Variants in PTPRE observed in about 807,000 individuals in gnomAD.
PTPRE encodes receptor-type tyrosine-protein phosphatase epsilon.
In PTPRE, 51 loss-of-function variants were observed where a neutral mutation model predicts 102.0. The ratio of observed to expected loss-of-function variants is 0.50; its 90% CI spans 0.40 to 0.63. The LOEUF is 0.63. PTPRE is among the 30% of genes least tolerant of loss of function. The pLI, the probability that PTPRE is intolerant of heterozygous loss-of-function variation, is 0.00. For missense variants in PTPRE, 752 were observed against 915.1 expected (o/e 0.82, Z 2.30); for synonymous variants, 345 against 348.2 (o/e 0.99, Z 0.10).
intron 7 of PTPRE, among the ~76,000 whole-genome samples, chr10:128,058,563 G>A: frequency 6.6e-6 from 1 of 152,224 alleles, no homozygotes; most frequent in Admixed American, 6.5e-5. Flanking sequence ...GAGACGCTGT[G>A]GCCTGGCAAG....
chr10:128,034,558 A>G (rs1388734285), intron 2 of PTPRE, among the ~76,000 whole-genome samples: 8 of 152,076 alleles, frequency 5.3e-5, no homozygotes, highest in Non-Finnish European at 1.2e-4. Context: ...TTTGCCAGTC[A>G]TGGTGGTGCA....
rs1296755174 is a variant in PTPRE at position 128,072,270 on chromosome 10, C to T, written c.1464+56C>T. ...CAGATGTGTTTCCTTCACATGTGAC[C>T]ACAGACTTGATTAGCTTGTTTTCAC... On this transcript the variant is annotated intron_variant, in intron 16 of 20. Coordinates refer to ENST00000254667, the MANE Select transcript of PTPRE (RefSeq NM_006504.6). 8.5e-6 allele frequency: 12 copies of T among 1,407,288 alleles called. No individual in the cohort carries two copies. In the Admixed American group the frequency reaches 2.1e-4, roughly 25 times the overall value. The allele number at this position is 1,407,288 out of a possible 1,614,324, so 87.2% of individuals were successfully genotyped here.
chr10:127,971,224 A>T (rs949965133), intron 1 of PTPRE, among the ~76,000 whole-genome samples: 2 of 152,224 alleles, frequency 1.3e-5, no homozygotes, highest in Admixed American at 6.5e-5. Context: ...GCGCATTGGA[A>T]CAAATGGTTC....
intron 2 of PTPRE, among the ~76,000 whole-genome samples, chr10:128,002,609 T>C (rs1410298464): frequency 6.7e-6 from 1 of 149,652 alleles, no homozygotes; most frequent in African/African-American, 2.5e-5. Context: ...CAGGCAGCCA[T>C]GTCTGAATGG....
At chr10:127,937,938 G>A (rs1013586311) in intron 1 of PTPRE, among the ~76,000 whole-genome samples, 4 of 152,112 alleles carry the variant, frequency 2.6e-5, no homozygotes, top group Non-Finnish European at 4.4e-5. Flanking sequence ...TCTCTGTGGC[G>A]TGTGACCTGG....
intron 10 of PTPRE, among the ~76,000 whole-genome samples, chr10:128,065,122 G>A (rs548763457): frequency 6.4e-5 from 9 of 140,560 alleles, no homozygotes; most frequent in East Asian, 4.2e-4. Context: ...CCGCAGCCCC[G>A]CCCGGAGCCA....
chr10:128,073,616 G>A (rs1295326545), intron 17 of PTPRE, 145 bp downstream of exon 17: 1 of 1,106,754 alleles, frequency 9.0e-7, no homozygotes, highest in South Asian at 1.9e-5. Context: ...GAGAGAGATT[G>A]GAAATGAAAA....
At chr10:128,082,205 T>C (rs1276769374) in intron 20 of PTPRE, among the ~76,000 whole-genome samples, 2,770 of 126,754 alleles carry the variant, frequency 0.022, 211 homozygotes, top group Non-Finnish European at 0.034. Context: ...CTTTTTTTTT[T>C]TTTTTTTTTT....
At chr10:127,988,990 CA>C (rs1852373786) in intron 2 of PTPRE, among the ~76,000 whole-genome samples, 1 of 151,696 alleles carries the variant, frequency 6.6e-6, no homozygotes. Context: ...TGAGCATAAG[CA>C]AAAAAACGAA....
chr10:128,022,767 G>T (rs1447055174), intron 2 of PTPRE, among the ~76,000 whole-genome samples: 2 of 152,244 alleles, frequency 1.3e-5, no homozygotes, highest in African/African-American at 4.8e-5. Context: ...GCGGGCACAG[G>T]GGCCTGGGAG....
intron 1 of PTPRE, among the ~76,000 whole-genome samples, chr10:127,947,275 AAAAT>A (rs1848691397): frequency 6.6e-6 from 1 of 151,544 alleles, no homozygotes; most frequent in African/African-American, 2.4e-5. Flanking sequence ...ATGTGAAAAC[AAAAT>A]AAATAAAAAT....
chr10:127,990,289 G>A (rs1158010153), intron 2 of PTPRE, among the ~76,000 whole-genome samples: 1 of 151,422 alleles, frequency 6.6e-6, no homozygotes, highest in African/African-American at 2.4e-5. Context: ...GCACGTGCCT[G>A]TAATCTCAGC....
chr10:127,934,990 A>G (rs114957088), intron 1 of PTPRE: 1 of 152,388 alleles, frequency 6.6e-6, no homozygotes, highest in African/African-American at 2.4e-5. Context: ...ACTCCTCCCC[A>G]ATCCCTGTCC....
intron 2 of PTPRE, among the ~76,000 whole-genome samples, chr10:128,014,194 C>A (rs886918179): frequency 1.3e-5 from 2 of 152,148 alleles, no homozygotes; most frequent in Middle Eastern, 3.2e-3. Context: ...TCCACAGGTC[C>A]CCTCCAGGCA....
chr10:128,017,306 A>G (rs531604525), intron 2 of PTPRE, among the ~76,000 whole-genome samples: 1 of 152,286 alleles, frequency 6.6e-6, no homozygotes, highest in African/African-American at 2.4e-5. Flanking sequence ...GCTGAGAGCT[A>G]TAGAAATTGG....
rs1041453494 is a variant in PTPRE at position 128,083,646 on chromosome 10, C to T, written c.*740C>T. On this transcript the variant is annotated 3_prime_UTR_variant, in exon 21 of 21. Coordinates refer to ENST00000254667, the MANE Select transcript of PTPRE (RefSeq NM_006504.6). ...AAAACCAGCCATCGGAGTTACACCC[C>T]AAAGCACCATTTGCTGTCCAGCTGC... The T allele has an allele frequency of 2.0e-5, 3 of 152,194 alleles. No homozygotes were observed. Among genetic ancestry groups the T allele is most frequent in the Non-Finnish European group, 4.4e-5 (3 of 68,038 alleles). The allele number at this position is 152,194 out of a possible 1,614,324, so 9.4% of individuals were successfully genotyped here.
chr10:128,018,483 C>A (rs2135670841), intron 2 of PTPRE, among the ~76,000 whole-genome samples: 1 of 152,302 alleles, frequency 6.6e-6, no homozygotes, highest in South Asian at 2.1e-4. Context: ...ACTGACCCAG[C>A]CAAAATCTAT....
intron 2 of PTPRE, among the ~76,000 whole-genome samples, chr10:127,995,646 C>T (rs182233943): frequency 3.9e-5 from 6 of 152,254 alleles, no homozygotes; most frequent in Non-Finnish European, 7.4e-5. Context: ...TGTTTTCCAA[C>T]GATGCTGCAA....
intron 1 of PTPRE, among the ~76,000 whole-genome samples, chr10:127,951,814 T>G (rs563818671): frequency 6.6e-5 from 10 of 152,356 alleles, no homozygotes; most frequent in Admixed American, 5.2e-4. Flanking sequence ...GCAGGAATGG[T>G]GATTCCCACC....
Sources: gnomAD v4.1 joint callset for allele counts (sites outside exome capture counted in the v4.1 genomes callset) on GRCh38, gnomAD v4.1.1 for gene constraint, MANE v1.5 for transcripts, NCBI Gene and HGNC (gene_info 2026-07-23, HGNC 2026-07-21) for gene names.